Variants in NKAIN2 observed in about 807,000 individuals in gnomAD.
NKAIN2 encodes sodium/potassium-transporting ATPase subunit beta-1-interacting protein 2.
A neutral mutation model predicts 32.6 loss-of-function variants in NKAIN2; 14 were observed. That is an observed-to-expected ratio of 0.43 (90% confidence interval 0.28 to 0.67). The LOEUF is 0.67. Ranked by LOEUF, NKAIN2 falls within the 30% of genes least tolerant of loss-of-function variation. The pLI is 0.17. For missense variants in NKAIN2, 198 were observed against 258.3 expected, an observed-to-expected ratio of 0.77 and a Z score of 1.60; for synonymous variants, 80 against 87.2, an observed-to-expected ratio of 0.92 and a Z score of 0.46.
intron 3 of NKAIN2, among the ~76,000 whole-genome samples, chr6:124,485,996 C>G (rs1777633853): frequency 6.6e-6 from 1 of 152,274 alleles, no homozygotes; most frequent in South Asian, 2.1e-4. Context: ...GTCATTGATT[C>G]TGAAACCCCT....
At chr6:124,032,842 A>G (rs891333067) in intron 1 of NKAIN2, among the ~76,000 whole-genome samples, 5 of 152,120 alleles carry the variant, frequency 3.3e-5, no homozygotes, top group East Asian at 1.9e-4. Context: ...TTGCAAACCA[A>G]TGAAGGCCAT....
At chr6:124,678,342 T>C (rs1046347289) in intron 4 of NKAIN2, among the ~76,000 whole-genome samples, 2 of 152,128 alleles carry the variant, frequency 1.3e-5, no homozygotes, top group Admixed American at 1.3e-4. Context: ...TCTCATAATA[T>C]ATACATTGGT....
chr6:124,496,114 T>C (rs1778054662), intron 3 of NKAIN2, among the ~76,000 whole-genome samples: 1 of 152,152 alleles, frequency 6.6e-6, no homozygotes, highest in South Asian at 2.1e-4. Context: ...AAGCTACACA[T>C]ACAGCCCAGG....
At chr6:123,904,206 G>A (rs972719918) in intron 1 of NKAIN2, among the ~76,000 whole-genome samples, 1 of 151,614 alleles carries the variant, frequency 6.6e-6, no homozygotes, top group Non-Finnish European at 1.5e-5. Context: ...ACTCCAGCCT[G>A]GGCAACAAGA....
At chr6:124,591,771 C>G (rs1427174610) in intron 3 of NKAIN2, among the ~76,000 whole-genome samples, 1 of 152,032 alleles carries the variant, frequency 6.6e-6, no homozygotes, top group African/African-American at 2.4e-5. Flanking sequence ...ATAATATACT[C>G]TGCCAAGCTT....
At chr6:124,520,568 AC>A (rs1431012285) in intron 3 of NKAIN2, among the ~76,000 whole-genome samples, 1 of 152,162 alleles carries the variant, frequency 6.6e-6, no homozygotes, top group Non-Finnish European at 1.5e-5. Context: ...GGAGAGCAAG[AC>A]CTAAAATGTA....
At chr6:123,841,959 C>T (rs1233482823) in intron 1 of NKAIN2, among the ~76,000 whole-genome samples, 1 of 152,086 alleles carries the variant, frequency 6.6e-6, no homozygotes, top group Non-Finnish European at 1.5e-5. Flanking sequence ...ATTTTATGCA[C>T]TACTAAACTG....
At chr6:124,281,528 A>G (rs1202353613) in intron 1 of NKAIN2, among the ~76,000 whole-genome samples, 2 of 152,222 alleles carry the variant, frequency 1.3e-5, no homozygotes, top group East Asian at 1.9e-4. Context: ...GCATTCCACT[A>G]TTGAGACTCT....
At chr6:124,078,016 A>T (rs1330591881) in intron 1 of NKAIN2, among the ~76,000 whole-genome samples, 1 of 152,188 alleles carries the variant, frequency 6.6e-6, no homozygotes, top group Non-Finnish European at 1.5e-5. Context: ...ATTCTACTCC[A>T]CATGACAATG....
chr6:124,385,618 A>C (rs529367487), intron 3 of NKAIN2, among the ~76,000 whole-genome samples: 4 of 152,184 alleles, frequency 2.6e-5, no homozygotes, highest in Admixed American at 1.3e-4. Flanking sequence ...CTGGGTCTTC[A>C]CTTGTTCTTC....
chr6:124,355,070 T>TAAA (rs55912345), intron 2 of NKAIN2, among the ~76,000 whole-genome samples, 197 bp from the exon 3 acceptor site: 20,396 of 136,372 alleles, frequency 0.15, 1,905 homozygotes, highest in Admixed American at 0.26. Context: ...ACTTTGTCAT[T>TAAA]AAAAAAAAAA....
intron 1 of NKAIN2, among the ~76,000 whole-genome samples, chr6:124,013,255 T>C (rs1049165085): frequency 6.6e-6 from 1 of 152,228 alleles, no homozygotes; most frequent in Non-Finnish European, 1.5e-5. Flanking sequence ...AAGTATTATC[T>C]CTGTACTTTC....
intron 1 of NKAIN2, among the ~76,000 whole-genome samples, chr6:123,944,141 T>C (rs1205708731): frequency 2.6e-5 from 4 of 152,052 alleles, no homozygotes; most frequent in African/African-American, 7.2e-5. Flanking sequence ...TCAATACTTA[T>C]ACCTTCCCCT....
chr6:124,504,080 A>G (rs1210654441), intron 3 of NKAIN2, among the ~76,000 whole-genome samples: 1 of 152,104 alleles, frequency 6.6e-6, no homozygotes, highest in Non-Finnish European at 1.5e-5. Flanking sequence ...CATTCTTTAC[A>G]TTCCACTTAG....
In NKAIN2 at chr6:124,456,988, T is replaced by G. The variant is rs1328106934; in HGVS notation, c.273+101641T>G. ...CTTGGGTTCATATATTTAAAGCGTT[T>G]AGAAAGGTTCTTGGGACACTAGAAA... On this transcript the variant is annotated intron_variant, in intron 3 of 6. Transcript: ENST00000368417. 4.6e-5 allele frequency among the ~76,000 whole-genome samples: 7 copies of G among 151,914 alleles called. No individual in the cohort carries two copies. In the Admixed American group the frequency reaches 4.6e-4, roughly 10 times the overall value.
intron 3 of NKAIN2, among the ~76,000 whole-genome samples, chr6:124,560,544 T>G (rs1415647515): frequency 2.6e-5 from 4 of 152,254 alleles, no homozygotes; most frequent in African/African-American, 9.6e-5. Context: ...TTATTACCTA[T>G]GTAGCCCTAG....
intron 2 of NKAIN2, among the ~76,000 whole-genome samples, chr6:124,351,576 T>C (rs1170678460): frequency 6.6e-6 from 1 of 151,190 alleles, no homozygotes; most frequent in African/African-American, 2.4e-5. Context: ...TCCTAATAAA[T>C]AAATCTTTGA....
intron 3 of NKAIN2, among the ~76,000 whole-genome samples, chr6:124,471,169 G>A (rs2114672816): frequency 6.6e-6 from 1 of 152,150 alleles, no homozygotes; most frequent in African/African-American, 2.4e-5. Context: ...ATTCTCCTCT[G>A]CTAAATGTTG....
At chr6:124,062,207 A>G (rs2114858317) in intron 1 of NKAIN2, among the ~76,000 whole-genome samples, 1 of 152,284 alleles carries the variant, frequency 6.6e-6, no homozygotes, top group Non-Finnish European at 1.5e-5. Context: ...TATATTTAAT[A>G]TAGTGTTTAA....
Sources: gnomAD v4.1 joint callset for allele counts (sites outside exome capture counted in the v4.1 genomes callset) on GRCh38, gnomAD v4.1.1 for gene constraint, MANE v1.5 for transcripts, NCBI Gene and HGNC (gene_info 2026-07-23, HGNC 2026-07-21) for gene names.